KIRREL3: variants seen among roughly 807,000 people sequenced by gnomAD.
KIRREL3 encodes kin of IRRE-like protein 3.
KIRREL3 carries 36 observed loss-of-function variants against 89.7 expected under a neutral mutation model. The observed-to-expected ratio is 0.40, with a 90% CI of 0.31 to 0.53. The LOEUF (loss-of-function observed/expected upper bound fraction) is 0.53, where lower values mean the gene tolerates loss of function less well. Among genes scored for constraint, KIRREL3 ranks in the 20% least tolerant of loss-of-function variants. The pLI is 0.49. For synonymous variants in KIRREL3, 445 were observed against 441.4 expected (o/e 1.01, Z -0.10); for missense variants, 864 against 1,056.6 (o/e 0.82, Z 2.53).
intron 5 of KIRREL3, among the ~76,000 whole-genome samples, chr11:126,467,243 C>A (rs961287870): frequency 6.6e-6 from 1 of 152,322 alleles, no homozygotes; most frequent in South Asian, 2.1e-4. Context: ...GGGCTGTGCA[C>A]CCACCCCCAC....
chr11:126,489,180 T>C lies in KIRREL3; in HGVS notation c.434-15714A>G, dbSNP rs182693901. Among the ~76,000 whole-genome samples the C allele has an allele frequency of 1.0e-3, 155 of 152,212 alleles. 1 individual carries two copies. The highest frequency in any genetic ancestry group is 8.5e-3 in the East Asian group (44 of 5,160). ...GGACGGAAGCTGTAGATGGATGCGC[T>C]GCGTTTGCGGTGGAGAGCCGGCTGC... is the stretch of plus-strand genomic sequence containing the variant. On this transcript the variant is annotated intron_variant, in intron 4 of 16. Coordinates refer to ENST00000525144, the MANE Select transcript of KIRREL3 (RefSeq NM_032531.4). This position sits in a 1 kb window ranked among gnomAD's most constrained non-coding sequence, Gnocchi z 5.5.
Position 126,977,974 on chromosome 11 carries a change from C to T in KIRREL3, c.55+22481G>A, listed in dbSNP as rs990513906. Among the ~76,000 whole-genome samples the T allele has an allele frequency of 1.3e-5, 2 of 152,098 alleles. No individual in the cohort carries two copies. The highest frequency in any genetic ancestry group is 1.9e-4 in the East Asian group (1 of 5,188). ...GGTGTCCTCACTCAGTTTCTGGGCA[C>T]GACATGTCCCACTCTCCATTGAGTG... On this transcript the variant is annotated intron_variant, in intron 1 of 16. Coordinates refer to ENST00000525144, the MANE Select transcript of KIRREL3 (RefSeq NM_032531.4). This position sits in a 1 kb window ranked among gnomAD's most constrained non-coding sequence, Gnocchi z 4.7.
rs970686872 is a variant in KIRREL3 at position 126,513,131 on chromosome 11, G to A, written c.433+8184C>T. On this transcript the variant is annotated intron_variant, in intron 4 of 16. Coordinates refer to ENST00000525144, the MANE Select transcript of KIRREL3 (RefSeq NM_032531.4). This position sits in a 1 kb window ranked among gnomAD's most constrained non-coding sequence, Gnocchi z 5.9. ...AAGAGCCTGTCTCTTGGTGATGGGG[G>A]TGCAGCCACTGGGGCCAGGCAACAG... Among the ~76,000 whole-genome samples the A allele has an allele frequency of 6.6e-6, 1 of 152,154 alleles. No individual in the cohort carries two copies. The highest frequency in any genetic ancestry group is 2.4e-5 in the African/African-American group (1 of 41,432).
chr11:126,558,944 CAT>C lies in KIRREL3; in HGVS notation c.133+3889_133+3890del, dbSNP rs1420486507. ...GTGTGTGTATGTGTGTGTGCATGCTCATGTGTGTGTTGGAGATGTGGCTGAGG... is the reference window on the plus strand; with the variant it reads ...GTGTGTGTATGTGTGTGTGCATGCTCGTGTGTGTTGGAGATGTGGCTGAGG... On this transcript the variant is annotated intron_variant, in intron 2 of 16. Transcript: ENST00000525144. This position sits in a 1 kb window ranked among gnomAD's most constrained non-coding sequence, Gnocchi z 4.0. Among the ~76,000 whole-genome samples, 3 of 151,984 alleles carry C rather than the reference CAT, an allele frequency of 2.0e-5. No homozygotes were observed. The highest frequency in any genetic ancestry group is 4.4e-5 in the Non-Finnish European group (3 of 67,994).
rs1425782746 is a variant in KIRREL3 at position 126,430,455 on chromosome 11, G to GTA, written c.1696+962_1696+963dup. Among the ~76,000 whole-genome samples the GTA allele has an allele frequency of 6.6e-6, 1 of 152,080 alleles. No individual in the cohort carries two copies. The highest frequency in any genetic ancestry group is 2.1e-4 in the South Asian group (1 of 4,804). On this transcript the variant is annotated intron_variant, in intron 14 of 16. Coordinates refer to ENST00000525144, the MANE Select transcript of KIRREL3 (RefSeq NM_032531.4). This position sits in a 1 kb window ranked among gnomAD's most constrained non-coding sequence, Gnocchi z 6.6. ...GAGAGACCCTATATAAAAAAAAACC[G>GTA]TATATATATGTGTATATATGCGTAT...
intron 1 of KIRREL3, among the ~76,000 whole-genome samples, chr11:126,731,042 A>T (rs2134194730): frequency 6.6e-6 from 1 of 152,222 alleles, no homozygotes; most frequent in East Asian, 1.9e-4. Context: ...CCCAGCCAAC[A>T]TGCAATACTT....
At chr11:126,540,625 C>T (rs188091532) in intron 2 of KIRREL3, among the ~76,000 whole-genome samples, 22 of 152,214 alleles carry the variant, frequency 1.4e-4, no homozygotes, top group East Asian at 9.7e-4. Flanking sequence ...ATTCTTCCAT[C>T]GATCCAGCCA....
chr11:126,893,313 G>A (rs1945999228), intron 1 of KIRREL3, among the ~76,000 whole-genome samples: 1 of 152,180 alleles, frequency 6.6e-6, no homozygotes. Flanking sequence ...ATTAGCAAAG[G>A]TAACACTAAT....
intron 5 of KIRREL3, among the ~76,000 whole-genome samples, chr11:126,472,610 C>T (rs750190296): frequency 7.9e-5 from 12 of 152,210 alleles, no homozygotes; most frequent in Middle Eastern, 3.4e-3. Context: ...TTTATCTGCA[C>T]CCCTAGAACC....
chr11:126,446,902 G>T lies in KIRREL3; in HGVS notation c.998-16C>A. 1 of 1,603,206 alleles carries T rather than the reference G, an allele frequency of 6.2e-7. No homozygotes were observed. Among genetic ancestry groups the T allele is most frequent in the Non-Finnish European group, 8.5e-7 (1 of 1,175,056 alleles). ...CGGGGCCCAACTGCGATGTGAGGAA[G>T]AAGAAGACAGGTTCAGGTGGGTGGG... is the stretch of plus-strand genomic sequence containing the variant. On this transcript the variant is annotated splice_polypyrimidine_tract_variant and intron_variant, in intron 8 of 16. Coordinates refer to ENST00000525144, the MANE Select transcript of KIRREL3 (RefSeq NM_032531.4).
At chr11:126,712,420 G>C (rs903178745) in intron 1 of KIRREL3, among the ~76,000 whole-genome samples, 3 of 152,182 alleles carry the variant, frequency 2.0e-5, no homozygotes, top group African/African-American at 7.2e-5. Context: ...GTGCTGTGCC[G>C]GCGAAAGGCC....
rs1158290720 is a variant in KIRREL3 at position 126,924,008 on chromosome 11, CT to C, written c.55+76446del. Among the ~76,000 whole-genome samples, 1 of 152,232 alleles carries C rather than the reference CT, an allele frequency of 6.6e-6. No individual in the cohort carries two copies. The highest frequency in any genetic ancestry group is 1.5e-5 in the Non-Finnish European group (1 of 68,032). On this transcript the variant is annotated intron_variant, in intron 1 of 16. Transcript: ENST00000525144. The surrounding 1 kb of genome is among the most constrained non-coding windows in gnomAD (Gnocchi z 4.7). ...CCAGAGGCTAGAGCATCATCCAAGG[CT>C]TCCCCATTTCCCTTAGCCCCTATGA...
At position 126,955,117 on chromosome 11, in the gene KIRREL3, C is replaced by T. The variant is rs952132041; in HGVS notation, c.55+45338G>A. Among the ~76,000 whole-genome samples, 3 of 152,110 alleles carry T rather than the reference C, an allele frequency of 2.0e-5. No homozygotes were observed. The highest frequency in any genetic ancestry group is 2.9e-5 in the Non-Finnish European group (2 of 68,016). ...CTGCCTGAGGGGGTACTGCTGCAGGCGTGTGGCTTTTCACTGTGGGCTTCC... is the reference window on the plus strand; with the variant it reads ...CTGCCTGAGGGGGTACTGCTGCAGGTGTGTGGCTTTTCACTGTGGGCTTCC... On this transcript the variant is annotated intron_variant, in intron 1 of 16. Transcript: ENST00000525144. This position sits in a 1 kb window ranked among gnomAD's most constrained non-coding sequence, Gnocchi z 4.6.
In KIRREL3 at chr11:126,879,760, C is replaced by A. The variant is rs150480873; in HGVS notation, c.55+120695G>T. On this transcript the variant is annotated intron_variant, in intron 1 of 16. Transcript: ENST00000525144. This position sits in a 1 kb window ranked among gnomAD's most constrained non-coding sequence, Gnocchi z 5.4. ...AGAGAATTATCCTTTGGCCAAGAGA[C>A]CACTTAGAGGAATGGTAAAGGACAT... is the stretch of plus-strand genomic sequence containing the variant. Among the ~76,000 whole-genome samples the A allele has an allele frequency of 8.9e-4, 135 of 152,296 alleles. 2 individuals carry two copies. The highest frequency in any genetic ancestry group is 3.1e-3 in the South Asian group (15 of 4,828).
intron 1 of KIRREL3, among the ~76,000 whole-genome samples, chr11:126,632,866 C>CAGAT (rs1365257443): frequency 1.7e-5 from 2 of 116,666 alleles, no homozygotes; most frequent in Non-Finnish European, 3.7e-5. Context: ...CCGAGGTGGG[C>CAGAT]AGATCACTTG....
At chr11:126,774,973 C>G (rs1454289403) in intron 1 of KIRREL3, among the ~76,000 whole-genome samples, 1 of 152,118 alleles carries the variant, frequency 6.6e-6, no homozygotes. Flanking sequence ...AGGATGAACC[C>G]CTGCTGTACC....
intron 1 of KIRREL3, among the ~76,000 whole-genome samples, chr11:126,982,998 G>A (rs554295953): frequency 1.3e-5 from 2 of 152,182 alleles, no homozygotes; most frequent in Admixed American, 1.3e-4. Context: ...CTCCCCCATG[G>A]GACCCAATGA....
At chr11:126,693,607 C>CCACACACACA (rs34918602) in intron 1 of KIRREL3, among the ~76,000 whole-genome samples, 28 of 149,984 alleles carry the variant, frequency 1.9e-4, no homozygotes, top group Admixed American at 5.3e-4. Flanking sequence ...GTGCCTGTGA[C>CCACACACACA]CACACACACA....
chr11:126,597,671 G>T (rs1297229613), intron 1 of KIRREL3, among the ~76,000 whole-genome samples: 1 of 152,214 alleles, frequency 6.6e-6, no homozygotes, highest in Non-Finnish European at 1.5e-5. Context: ...CCCGACAGAG[G>T]ATTGTGGAGC....
Sources: allele counts gnomAD v4.1 joint callset (sites outside exome capture counted in the v4.1 genomes callset), GRCh38; gene constraint gnomAD v4.1.1; non-coding constraint Gnocchi (gnomAD v3.1); transcripts MANE v1.5; gene names NCBI Gene and HGNC (gene_info 2026-07-23, HGNC 2026-07-21).